The following CAST variants were observed in gnomAD, a reference collection of about 807,000 sequenced individuals.
CAST encodes the protein calpastatin.
In CAST, 76 loss-of-function variants were observed where a neutral mutation model predicts 119.6. That is an observed-to-expected ratio of 0.64 (90% confidence interval 0.53 to 0.77). The LOEUF (loss-of-function observed/expected upper bound fraction) is 0.77. Ranked by LOEUF, CAST falls within the 30% of genes least tolerant of loss-of-function variation. The pLI is 0.00. For synonymous variants in CAST, 319 were observed against 331.6 expected (o/e 0.96, Z 0.41); for missense variants, 953 against 946.5 (o/e 1.01, Z -0.09).
the CAST span, chr5:96,412,463 G>A: frequency 1.1e-5 from 18 of 1,613,816 alleles, no homozygotes; most frequent in Admixed American, 1.7e-5. Context: ...AATAGCATCC[G>A]TCACAATGCC....
At chr5:96,743,821 A>G in intron 16 of CAST, 10 of 994,248 alleles carry the variant, frequency 1.0e-5, no homozygotes, top group Non-Finnish European at 1.5e-5. Flanking sequence ...AGCCGACAGA[A>G]GCAGTGTCAT....
At chr5:96,549,490 T>G (rs1362641347) in intron 1 of CAST, among the ~76,000 whole-genome samples, 1 of 152,148 alleles carries the variant, frequency 6.6e-6, no homozygotes, top group Non-Finnish European at 1.5e-5. Flanking sequence ...AGAAGATGGG[T>G]GATTTCTGCA....
intron 1 of CAST, among the ~76,000 whole-genome samples, chr5:96,633,830 C>G (rs1414048405): frequency 3.9e-5 from 6 of 152,182 alleles, no homozygotes; most frequent in South Asian, 2.1e-4. Context: ...TCAGCTTCAC[C>G]CAGAAACACA....
chr5:96,580,419 T>C (rs1236821336), intron 1 of CAST, among the ~76,000 whole-genome samples: 1 of 152,244 alleles, frequency 6.6e-6, no homozygotes, highest in African/African-American at 2.4e-5. Context: ...AGAACTTCGT[T>C]ACTATGATCT....
At chr5:96,672,386 GA>G in intron 1 of CAST, among the ~76,000 whole-genome samples, 1 of 152,230 alleles carries the variant, frequency 6.6e-6, no homozygotes, top group Admixed American at 6.5e-5. Flanking sequence ...CTGTCCGTTG[GA>G]AATTTTTCAT....
chr5:96,277,564 A>C, the CAST span, among the ~76,000 whole-genome samples: 1 of 152,172 alleles, frequency 6.6e-6, no homozygotes, highest in Non-Finnish European at 1.5e-5. Flanking sequence ...AATATTCTCA[A>C]GTTTGTCTAA....
At chr5:95,995,611 T>G in the CAST span, among the ~76,000 whole-genome samples, 1 of 151,956 alleles carries the variant, frequency 6.6e-6, no homozygotes, top group African/African-American at 2.4e-5. Context: ...GATCAGCAGG[T>G]TCAGTTATGT....
chr5:96,494,212 C>G, the CAST span, among the ~76,000 whole-genome samples: 1 of 152,202 alleles, frequency 6.6e-6, no homozygotes, highest in East Asian at 1.9e-4. Context: ...AGGCGATGAA[C>G]TACCTTGTAG....
intron 1 of CAST, among the ~76,000 whole-genome samples, chr5:96,644,974 A>G (rs1747997536): frequency 6.6e-6 from 1 of 152,194 alleles, no homozygotes; most frequent in Admixed American, 6.5e-5. Context: ...AGAGTGTCTC[A>G]AAAAACAAAC....
the CAST span, among the ~76,000 whole-genome samples, chr5:96,060,439 T>C: frequency 6.6e-6 from 1 of 152,056 alleles, no homozygotes; most frequent in Non-Finnish European, 1.5e-5. Flanking sequence ...TTTCCTGGGG[T>C]CTATTGGTTT....
chr5:96,424,577 A>T, the CAST span, among the ~76,000 whole-genome samples: 6 of 152,236 alleles, frequency 3.9e-5, no homozygotes, highest in African/African-American at 1.4e-4. Flanking sequence ...GAATTAATTC[A>T]TATCAAACAT....
the CAST span, chr5:96,392,982 T>C: frequency 6.2e-7 from 1 of 1,613,650 alleles, no homozygotes; most frequent in African/African-American, 1.3e-5. Context: ...TATTTCCAAC[T>C]TGGGACCACA....
intron 1 of CAST, among the ~76,000 whole-genome samples, chr5:96,644,084 G>A (rs1409758081): frequency 6.6e-6 from 1 of 152,012 alleles, no homozygotes; most frequent in African/African-American, 2.4e-5. Context: ...TCTTTTTGAG[G>A]TGATGAAAAG....
rs750367504 is a variant in CAST at position 96,748,603 on chromosome 5, A to G, written c.1418A>G (p.Glu473Gly). The change falls in exon 19 of 32, where the codon GAA becomes GGA. Residue 473 changes from glutamate (E) to glycine (G), a missense_variant. Physicochemically the swap from Glu to Gly is moderately conservative, Grantham distance 98. Transcript: ENST00000675179. ...AAAGAGAAACCATCTAAGCCAACTG[A>G]AAAGACAGAAGTATGTTTCTAAACA... is the stretch of plus-strand genomic sequence containing the variant. Reference protein sequence around the residue: ...ECKEKPSKPTEKTEESKAAAP... With the variant: ...ECKEKPSKPTGKTEESKAAAP... 1.6e-5 allele frequency: 23 copies of G among 1,472,968 alleles called. No homozygotes were observed. Among genetic ancestry groups the G allele is most frequent in the Admixed American group, 1.0e-4 (6 of 58,782 alleles). 91.2% of individuals were successfully genotyped at this position (1,472,968 alleles called of 1,614,324 possible). A position where few individuals can be genotyped will look rare whatever the true frequency, so the allele number is the denominator to read the frequency against.
At chr5:96,153,302 C>T in the CAST span, among the ~76,000 whole-genome samples, 1 of 152,210 alleles carries the variant, frequency 6.6e-6, no homozygotes, top group African/African-American at 2.4e-5. Context: ...GTCTGAAAGA[C>T]ACAGCCCTCC....
At chr5:96,373,972 G>C in the CAST span, among the ~76,000 whole-genome samples, 3 of 152,030 alleles carry the variant, frequency 2.0e-5, no homozygotes, top group Non-Finnish European at 4.4e-5. Flanking sequence ...CATTGTTTTT[G>C]CTGAAAGACG....
At chr5:96,284,965 G>A in the CAST span, among the ~76,000 whole-genome samples, 1 of 152,192 alleles carries the variant, frequency 6.6e-6, no homozygotes, top group African/African-American at 2.4e-5. Context: ...ACTAGAAGGG[G>A]ACTTCTATTA....
At chr5:96,392,064 C>T in the CAST span, 1 of 152,168 alleles carries the variant, frequency 6.6e-6, no homozygotes, top group East Asian at 1.9e-4. Context: ...CTTGGTTTCT[C>T]CCTATTATGA....
chr5:96,453,743 T>G, the CAST span, among the ~76,000 whole-genome samples: 8 of 152,364 alleles, frequency 5.3e-5, no homozygotes, highest in Admixed American at 5.2e-4. Flanking sequence ...TAAAAAATGT[T>G]GATATATTGA....
Sources: allele counts gnomAD v4.1 joint callset (sites outside exome capture counted in the v4.1 genomes callset), GRCh38; gene constraint gnomAD v4.1.1; transcripts MANE v1.5; gene names NCBI Gene and HGNC (gene_info 2026-07-23, HGNC 2026-07-21).